SGCZ: variants seen among roughly 807,000 people sequenced by gnomAD.
The protein encoded by SGCZ is sarcoglycan zeta.
SGCZ carries 40 observed loss-of-function variants against 41.3 expected under a neutral mutation model. The ratio of observed to expected loss-of-function variants is 0.97; its 90% confidence interval spans 0.75 to 1.26. The LOEUF is 1.26. SGCZ is among the 50% of genes most tolerant of loss of function. The pLI is 0.00. For synonymous variants in SGCZ, 206 were observed against 137.5 expected (o/e 1.50, Z -3.49); for missense variants, 552 against 369.8 (o/e 1.49, Z -4.04).
intron 1 of SGCZ, among the ~76,000 whole-genome samples, chr8:14,693,505 T>G (rs1585187469): frequency 6.6e-6 from 1 of 151,068 alleles, no homozygotes; most frequent in Non-Finnish European, 1.5e-5. Flanking sequence ...TTGGTCAGGC[T>G]GATCTCAAAC....
intron 1 of SGCZ, among the ~76,000 whole-genome samples, chr8:14,828,650 C>T (rs1270168396): frequency 2.0e-5 from 3 of 152,174 alleles, no homozygotes; most frequent in African/African-American, 7.2e-5. Context: ...GGTGAAACTG[C>T]TCCAGTCAAG....
chr8:15,065,702 G>C (rs979295594), intron 1 of SGCZ, among the ~76,000 whole-genome samples: 9 of 151,960 alleles, frequency 5.9e-5, no homozygotes, highest in Admixed American at 2.0e-4. Context: ...GTCTCCCAAA[G>C]TCCTGGGATC....
At chr8:14,883,340 T>C in intron 1 of SGCZ, among the ~76,000 whole-genome samples, 1 of 152,024 alleles carries the variant, frequency 6.6e-6, no homozygotes, top group East Asian at 1.9e-4. Context: ...GACTGTTTGG[T>C]GTTACTCCAG....
intron 1 of SGCZ, among the ~76,000 whole-genome samples, chr8:14,596,541 T>C (rs780016975): frequency 9.2e-5 from 14 of 152,164 alleles, no homozygotes; most frequent in Non-Finnish European, 1.8e-4. Context: ...AATAAAATAT[T>C]TATTTTTTCT....
intron 1 of SGCZ, among the ~76,000 whole-genome samples, chr8:14,874,153 C>T (rs1359993384): frequency 6.6e-6 from 1 of 152,088 alleles, no homozygotes; most frequent in African/African-American, 2.4e-5. Context: ...ACTTCATATT[C>T]TTCTAGTTAT....
In SGCZ at chr8:14,368,200, T is replaced by C. The variant is rs536795334; in HGVS notation, c.235-43996A>G. Among the ~76,000 whole-genome samples the C allele has an allele frequency of 4.0e-3, 616 of 152,214 alleles. 2 individuals are homozygous for C. Among genetic ancestry groups the C allele is most frequent in the Non-Finnish European group, 7.0e-3 (475 of 67,974 alleles). ...ATTTGCATTGATGACATATATTGTC[T>C]TCAAGAATATATGTGAGTGTATTTC... is the stretch of plus-strand genomic sequence containing the variant. On this transcript the variant is annotated intron_variant, in intron 2 of 7. Coordinates refer to ENST00000382080, the MANE Select transcript of SGCZ (RefSeq NM_139167.4).
chr8:15,141,104 C>A (rs993029018), intron 1 of SGCZ, among the ~76,000 whole-genome samples: 3 of 152,238 alleles, frequency 2.0e-5, no homozygotes, highest in African/African-American at 7.2e-5. Context: ...CACCTTGTTG[C>A]ATGATCTTAT....
At chr8:14,563,472 T>C (rs1023605721) in intron 1 of SGCZ, among the ~76,000 whole-genome samples, 3 of 152,230 alleles carry the variant, frequency 2.0e-5, no homozygotes, top group Admixed American at 6.5e-5. Flanking sequence ...TAAGTTGTTG[T>C]TGGCTATATT....
intron 2 of SGCZ, among the ~76,000 whole-genome samples, chr8:14,351,665 T>A (rs1222582345): frequency 6.6e-6 from 1 of 151,894 alleles, no homozygotes; most frequent in Non-Finnish European, 1.5e-5. Flanking sequence ...AGATAGATGA[T>A]AACACAAAGA....
chr8:14,895,973 C>T (rs1029574371), intron 1 of SGCZ, among the ~76,000 whole-genome samples: 1 of 152,150 alleles, frequency 6.6e-6, no homozygotes, highest in Admixed American at 6.5e-5. Context: ...ATACGTACAT[C>T]CCAGGTGAAC....
At chr8:14,361,412 G>C (rs572194654) in intron 2 of SGCZ, among the ~76,000 whole-genome samples, 10 of 151,880 alleles carry the variant, frequency 6.6e-5, no homozygotes, top group Non-Finnish European at 1.3e-4. Context: ...TTATCTTATC[G>C]CTTTATTTCA....
At chr8:15,231,094 C>A (rs542150000) in intron 1 of SGCZ, among the ~76,000 whole-genome samples, 3 of 152,156 alleles carry the variant, frequency 2.0e-5, no homozygotes, top group African/African-American at 7.2e-5. Flanking sequence ...ACTTTGCATG[C>A]TTCTGAATTC....
At chr8:14,829,604 G>A (rs1028843281) in intron 1 of SGCZ, among the ~76,000 whole-genome samples, 5 of 152,064 alleles carry the variant, frequency 3.3e-5, no homozygotes, top group African/African-American at 1.2e-4. Flanking sequence ...GCCTTAAACT[G>A]AGATAATTTC....
intron 1 of SGCZ, among the ~76,000 whole-genome samples, chr8:14,611,640 C>A (rs1585123895): frequency 6.6e-6 from 1 of 152,094 alleles, no homozygotes; most frequent in Admixed American, 6.6e-5. Context: ...ATTTTCTTGA[C>A]AGAAGCCATA....
chr8:14,667,044 T>C (rs565654647), intron 1 of SGCZ, among the ~76,000 whole-genome samples: 1 of 152,006 alleles, frequency 6.6e-6, no homozygotes, highest in South Asian at 2.1e-4. Context: ...TAGAGACATA[T>C]AGAGAGAGAC....
At chr8:14,592,931 A>G (rs1805286123) in intron 1 of SGCZ, among the ~76,000 whole-genome samples, 1 of 152,194 alleles carries the variant, frequency 6.6e-6, no homozygotes, top group African/African-American at 2.4e-5. Context: ...TTGTCTTTAG[A>G]TATTTCAGAC....
intron 2 of SGCZ, among the ~76,000 whole-genome samples, chr8:14,386,310 A>AAAAAC (rs1804575370): frequency 1.3e-5 from 2 of 152,236 alleles, no homozygotes; most frequent in South Asian, 2.1e-4. Context: ...GGTAAAAAAA[A>AAAAAC]AAAAAACATT....
chr8:14,685,852 T>C (rs944179176), intron 1 of SGCZ, among the ~76,000 whole-genome samples: 2 of 152,116 alleles, frequency 1.3e-5, no homozygotes, highest in Non-Finnish European at 2.9e-5. Context: ...AAACAATGAA[T>C]AAACCTTTCA....
At chr8:14,387,629 A>T (rs1490229525) in intron 2 of SGCZ, among the ~76,000 whole-genome samples, 2 of 152,120 alleles carry the variant, frequency 1.3e-5, no homozygotes, top group African/African-American at 4.8e-5. Context: ...GAATATTTGC[A>T]ATTTTTATAT....
Sources: gnomAD v4.1 joint callset for allele counts (sites outside exome capture counted in the v4.1 genomes callset) on GRCh38, gnomAD v4.1.1 for gene constraint, MANE v1.5 for transcripts, NCBI Gene and HGNC (gene_info 2026-07-23, HGNC 2026-07-21) for gene names.